SPATA16: variants seen among roughly 807,000 people sequenced by gnomAD.
SPATA16 encodes spermatogenesis-associated protein 16.
SPATA16 carries 36 observed loss-of-function variants against 63.3 expected under a neutral mutation model. The ratio of observed to expected loss-of-function variants is 0.57; its 90% CI spans 0.44 to 0.75. The LOEUF is 0.75. Among genes scored for constraint, SPATA16 ranks in the 30% least tolerant of loss-of-function variants. The probability of loss-of-function intolerance (pLI) is 0.00; values close to 1 mark genes in which losing one functional copy is unlikely to be tolerated. For missense variants in SPATA16, 646 were observed against 679.3 expected, an observed-to-expected ratio of 0.95 and a Z score of 0.54; for synonymous variants, 203 against 216.7, an observed-to-expected ratio of 0.94 and a Z score of 0.56.
At chr3:172,965,248 A>T (rs562259369) in intron 5 of SPATA16, among the ~76,000 whole-genome samples, 25 of 152,356 alleles carry the variant, frequency 1.6e-4, no homozygotes, top group Middle Eastern at 3.4e-3. Flanking sequence ...GATTCAAATT[A>T]GTTACATCTT....
intron 5 of SPATA16, among the ~76,000 whole-genome samples, chr3:172,957,099 A>G (rs1733614780): frequency 6.6e-6 from 1 of 152,128 alleles, no homozygotes; most frequent in Non-Finnish European, 1.5e-5. Context: ...TCTGTTTCCT[A>G]AGGTGTCATG....
chr3:173,036,526 T>A (rs1735718867), intron 3 of SPATA16, among the ~76,000 whole-genome samples: 1 of 152,052 alleles, frequency 6.6e-6, no homozygotes, highest in Admixed American at 6.6e-5. Context: ...AATCAAAGTA[T>A]AAGATGAACT....
chr3:172,961,052 TTTCTTTCTTTC>T (rs1733759454), intron 5 of SPATA16, among the ~76,000 whole-genome samples: 1 of 76,444 alleles, frequency 1.3e-5, no homozygotes, highest in Non-Finnish European at 2.7e-5. Flanking sequence ...TTCTTTCTTC[TTTCTTTCTTTC>T]TTCTTTCTTC....
At position 173,090,610 on chromosome 3, in the gene SPATA16, C is replaced by A. The variant is rs1737198284; in HGVS notation, c.612+26510G>T. ...CTCACAGACATCAGCTGAGGGGGAG[C>A]CAGATTGAAAATGCAGGTTTTCTGA... On this transcript the variant is annotated intron_variant, in intron 2 of 10. Coordinates refer to ENST00000351008, the MANE Select transcript of SPATA16 (RefSeq NM_031955.6). 2.0e-5 allele frequency among the ~76,000 whole-genome samples: 3 copies of A among 152,072 alleles called. No homozygotes were observed. The South Asian group carries it at 6.2e-4, about 31-fold the overall frequency.
chr3:172,956,893 T>C (rs1319872257), intron 5 of SPATA16, 69 bp from the exon 6 acceptor site: 1 of 1,556,974 alleles, frequency 6.4e-7, no homozygotes, highest in Non-Finnish European at 8.8e-7. Flanking sequence ...GTAAAAAATA[T>C]AATTACCTTT....
chr3:173,125,783 G>T (rs905685215), intron 1 of SPATA16, among the ~76,000 whole-genome samples: 1 of 152,154 alleles, frequency 6.6e-6, no homozygotes, highest in African/African-American at 2.4e-5. Flanking sequence ...TCCCCCACCA[G>T]AATGTGAGAG....
At chr3:172,997,423 G>C (rs1372968437) in intron 4 of SPATA16, among the ~76,000 whole-genome samples, 2 of 152,108 alleles carry the variant, frequency 1.3e-5, no homozygotes, top group African/African-American at 4.8e-5. Flanking sequence ...CTTTGGTGAA[G>C]TGTCTGTTAA....
chr3:173,049,856 G>A (rs1486441528), intron 2 of SPATA16, among the ~76,000 whole-genome samples: 1 of 151,950 alleles, frequency 6.6e-6, no homozygotes, highest in African/African-American at 2.4e-5. Context: ...AGGGAAGATC[G>A]GCACTTTTTT....
At chr3:173,060,225 C>T (rs1319815326) in intron 2 of SPATA16, among the ~76,000 whole-genome samples, 1 of 151,924 alleles carries the variant, frequency 6.6e-6, no homozygotes, top group Non-Finnish European at 1.5e-5. Flanking sequence ...CCATTGCACT[C>T]CAGCCCAGGT....
In SPATA16 at chr3:173,049,112, C is replaced by A; in HGVS notation, c.613-18G>T. ...CTGCAAAGCTTTAAAAAATATAGTA[C>A]TTTCAACATCTTAATAATCTTTCAT... On this transcript the variant is annotated intron_variant, in intron 2 of 10. Coordinates refer to ENST00000351008, the MANE Select transcript of SPATA16 (RefSeq NM_031955.6). 1 of 1,594,736 alleles carries A rather than the reference C, an allele frequency of 6.3e-7. No homozygotes were observed. The highest frequency in any genetic ancestry group is 1.1e-5 in the South Asian group (1 of 89,102).
In SPATA16 at chr3:173,010,555, GC is replaced by G. The variant is rs368022046; in HGVS notation, c.848+8930del. Among the ~76,000 whole-genome samples the G allele has an allele frequency of 1.2e-4, 18 of 152,022 alleles. No individual in the cohort carries two copies. In the East Asian group the frequency reaches 1.5e-3, roughly 13 times the overall value. ...TGCTGCCGTGGTCCTTACCCCTGCT[GC>G]CCCCAGGCTGGAGAGGGAACAGAAA... is the stretch of plus-strand genomic sequence containing the variant. On this transcript the variant is annotated intron_variant, in intron 4 of 10. Transcript: ENST00000351008.
intron 5 of SPATA16, among the ~76,000 whole-genome samples, chr3:172,966,007 A>G (rs1271233310): frequency 1.3e-5 from 2 of 152,234 alleles, no homozygotes; most frequent in African/African-American, 2.4e-5. Flanking sequence ...CCTCCTATAC[A>G]TGACTTCCCA....
chr3:173,123,066 C>G (rs1287969635), intron 1 of SPATA16, among the ~76,000 whole-genome samples: 1 of 152,178 alleles, frequency 6.6e-6, no homozygotes, highest in East Asian at 1.9e-4. Context: ...TTGCTCTTCT[C>G]TTCTATCTGA....
At chr3:172,980,556 A>T (rs1277478338) in intron 4 of SPATA16, among the ~76,000 whole-genome samples, 2 of 152,278 alleles carry the variant, frequency 1.3e-5, no homozygotes, top group South Asian at 2.1e-4. Context: ...TTGAGCCTTT[A>T]TGAAGTGATA....
chr3:172,912,137 C>G (rs1732382644), intron 10 of SPATA16, among the ~76,000 whole-genome samples: 2 of 152,148 alleles, frequency 1.3e-5, no homozygotes, highest in African/African-American at 4.8e-5. Flanking sequence ...GAAGTGGTCC[C>G]TCTGTTTAGA....
chr3:173,109,019 G>A (rs1284216902), intron 2 of SPATA16, among the ~76,000 whole-genome samples: 1 of 152,070 alleles, frequency 6.6e-6, no homozygotes, highest in African/African-American at 2.4e-5. Flanking sequence ...AACCTACGAT[G>A]TTCATAATCT....
chr3:173,028,792 G>T (rs1178434254), intron 3 of SPATA16, among the ~76,000 whole-genome samples: 1 of 151,974 alleles, frequency 6.6e-6, no homozygotes, highest in African/African-American at 2.4e-5. Context: ...TCACTGAATT[G>T]TGCCTTCACC....
At chr3:173,047,874 C>T (rs116683762) in intron 3 of SPATA16, among the ~76,000 whole-genome samples, 57 of 151,922 alleles carry the variant, frequency 3.8e-4, no homozygotes, top group Non-Finnish European at 7.5e-4. Context: ...GGCTTTCAAA[C>T]AGGTTGTCTT....
intron 2 of SPATA16, among the ~76,000 whole-genome samples, chr3:173,092,673 C>A (rs1332856497): frequency 6.6e-6 from 1 of 152,118 alleles, no homozygotes; most frequent in Non-Finnish European, 1.5e-5. Context: ...TTTAACCCTG[C>A]AAACACCTTG....
Sources: allele counts gnomAD v4.1 joint callset (sites outside exome capture counted in the v4.1 genomes callset), GRCh38; gene constraint gnomAD v4.1.1; transcripts MANE v1.5; gene names NCBI Gene and HGNC (gene_info 2026-07-23, HGNC 2026-07-21).